DCDC1: variants seen among roughly 807,000 people sequenced by gnomAD.
DCDC1 encodes the protein doublecortin domain containing 1.
A neutral mutation model predicts 178.3 loss-of-function variants in DCDC1; 200 were observed. That is an observed-to-expected ratio of 1.12 (90% CI 1.00 to 1.26). The LOEUF (loss-of-function observed/expected upper bound fraction) is 1.26, where lower values mean the gene tolerates loss of function less well. DCDC1 is among the 50% of genes most tolerant of loss of function. The pLI is 0.00. For missense variants in DCDC1, 1,983 were observed against 1,749.2 expected (o/e 1.13, Z -2.38); for synonymous variants, 690 against 604.8 (o/e 1.14, Z -2.07).
intron 9 of DCDC1, among the ~76,000 whole-genome samples, chr11:31,154,917 C>T (rs2136121723): frequency 6.6e-6 from 1 of 152,304 alleles, no homozygotes; most frequent in South Asian, 2.1e-4. Context: ...GGTTCTTCTT[C>T]CCAGGTGTTC....
At chr11:31,091,270 A>G (rs1035259514) in intron 17 of DCDC1, 123 bp downstream of exon 17, 4 of 564,888 alleles carry the variant, frequency 7.1e-6, no homozygotes, top group Admixed American at 6.2e-5. Context: ...TATTGTTATT[A>G]TGAACACAAA....
At chr11:31,119,205 T>C (rs1309814134) in intron 11 of DCDC1, among the ~76,000 whole-genome samples, 2 of 152,310 alleles carry the variant, frequency 1.3e-5, no homozygotes, top group Non-Finnish European at 2.9e-5. Flanking sequence ...AGTCCAATAT[T>C]TTCCTACTAT....
chr11:30,981,357 A>G (rs1464375265), intron 20 of DCDC1, among the ~76,000 whole-genome samples: 1 of 152,172 alleles, frequency 6.6e-6, no homozygotes, highest in African/African-American at 2.4e-5. Context: ...TAAAAAGAAT[A>G]CCTACTTCAT....
chr11:30,915,842 A>G, intron 26 of DCDC1, 131 bp from the exon 27 acceptor site: 2 of 830,790 alleles, frequency 2.4e-6, no homozygotes, highest in South Asian at 3.4e-5. Flanking sequence ...GAAATGATAG[A>G]CCATATCATT....
chr11:30,949,845 G>A (rs1948304222), intron 21 of DCDC1, among the ~76,000 whole-genome samples: 1 of 151,262 alleles, frequency 6.6e-6, no homozygotes, highest in African/African-American at 2.4e-5. Flanking sequence ...TCACACAATG[G>A]GGCCTGTCGG....
intron 36 of DCDC1, among the ~76,000 whole-genome samples, chr11:30,881,777 A>ACTGGCT (rs1942697412): frequency 6.6e-6 from 1 of 152,142 alleles, no homozygotes; most frequent in African/African-American, 2.4e-5. Context: ...CTAAGACTTC[A>ACTGGCT]CTGGCTCTAT....
chr11:31,341,841 A>ACACACACACG (rs1950566195), intron 1 of DCDC1, among the ~76,000 whole-genome samples: 1 of 151,628 alleles, frequency 6.6e-6, no homozygotes, highest in African/African-American at 2.4e-5. Context: ...ACACACACAC[A>ACACACACACG]CACATTTTTT....
At chr11:30,876,796 T>A (rs1042566455) in intron 38 of DCDC1, among the ~76,000 whole-genome samples, 1 of 152,054 alleles carries the variant, frequency 6.6e-6, no homozygotes, top group Non-Finnish European at 1.5e-5. Context: ...TTTCAAGGAA[T>A]GAAAACAAAA....
At chr11:31,209,380 A>G (rs1447517877) in intron 9 of DCDC1, among the ~76,000 whole-genome samples, 1 of 152,232 alleles carries the variant, frequency 6.6e-6, no homozygotes, top group Admixed American at 6.5e-5. Context: ...TAAAACCAGA[A>G]GAGTTCACAA....
At chr11:30,944,360 T>C (rs1947859790) in intron 21 of DCDC1, 1 of 456,324 alleles carries the variant, frequency 2.2e-6, no homozygotes, top group Non-Finnish European at 4.4e-6. Context: ...TAAGACATAA[T>C]GGTTAGATAA....
At chr11:31,277,630 T>G (rs189904084) in intron 7 of DCDC1, among the ~76,000 whole-genome samples, 22 of 152,146 alleles carry the variant, frequency 1.4e-4, no homozygotes, top group Non-Finnish European at 7.4e-5. Context: ...TGTATAGTGG[T>G]AACTCCATGG....
chr11:31,344,289 C>G (rs1336655250), intron 1 of DCDC1, among the ~76,000 whole-genome samples: 2 of 152,214 alleles, frequency 1.3e-5, no homozygotes, highest in Admixed American at 1.3e-4. Context: ...TTAACACATG[C>G]ATAGTTTATT....
At chr11:31,103,120 T>G (rs546586138) in intron 14 of DCDC1, among the ~76,000 whole-genome samples, 5 of 152,314 alleles carry the variant, frequency 3.3e-5, no homozygotes, top group African/African-American at 9.6e-5. Flanking sequence ...CCAGTTTGTA[T>G]TATTTGCAGA....
intron 7 of DCDC1, among the ~76,000 whole-genome samples, chr11:31,283,491 G>A (rs1394051723): frequency 1.3e-5 from 2 of 150,114 alleles, no homozygotes; most frequent in Admixed American, 6.7e-5. Flanking sequence ...TTTTTAATAC[G>A]TGAACATATT....
chr11:31,246,909 T>G (rs1943606993), intron 8 of DCDC1, among the ~76,000 whole-genome samples: 1 of 152,064 alleles, frequency 6.6e-6, no homozygotes, highest in African/African-American at 2.4e-5. Flanking sequence ...AATTTGGATT[T>G]TTCCTCCACT....
At chr11:30,995,973 G>C (rs1951244341) in intron 20 of DCDC1, among the ~76,000 whole-genome samples, 1 of 152,104 alleles carries the variant, frequency 6.6e-6, no homozygotes, top group African/African-American at 2.4e-5. Context: ...TTAAGAAAAT[G>C]AAAGAGAAGA....
chr11:31,293,525 C>A (rs1947381249), intron 6 of DCDC1, among the ~76,000 whole-genome samples: 1 of 152,136 alleles, frequency 6.6e-6, no homozygotes, highest in Non-Finnish European at 1.5e-5. Context: ...ACAGAACCCT[C>A]AGAGCGAATG....
At chr11:30,998,827 T>C (rs1326870617) in intron 20 of DCDC1, among the ~76,000 whole-genome samples, 2 of 152,140 alleles carry the variant, frequency 1.3e-5, no homozygotes, top group Non-Finnish European at 1.5e-5. Context: ...TATTTGCTTC[T>C]AGCAAATAGA....
intron 9 of DCDC1, among the ~76,000 whole-genome samples, chr11:31,142,098 G>A (rs1431006303): frequency 1.3e-5 from 2 of 152,232 alleles, no homozygotes; most frequent in Admixed American, 1.3e-4. Context: ...TTATGTATGG[G>A]AACGGGAGGT....
Sources: gnomAD v4.1 joint callset for allele counts (sites outside exome capture counted in the v4.1 genomes callset) on GRCh38, gnomAD v4.1.1 for gene constraint, MANE v1.5 for transcripts, NCBI Gene and HGNC (gene_info 2026-07-23, HGNC 2026-07-21) for gene names.